The following B3GALT1 variants were observed in gnomAD, a reference collection of about 807,000 sequenced individuals.
B3GALT1 encodes the protein beta-1,3-galactosyltransferase 1.
In B3GALT1, 10 loss-of-function variants were observed where a neutral mutation model predicts 23.2. The observed-to-expected ratio is 0.43, with a 90% CI of 0.27 to 0.73. The LOEUF is 0.73. Ranked by LOEUF, B3GALT1 falls within the 30% of genes least tolerant of loss-of-function variation. The pLI is 0.21. For synonymous variants in B3GALT1, 156 were observed against 141.5 expected, an observed-to-expected ratio of 1.10 and a Z score of -0.73; for missense variants, 299 against 405.4, an observed-to-expected ratio of 0.74 and a Z score of 2.25.
At chr2:167,392,024 A>G (rs1252976009) in intron 1 of B3GALT1, among the ~76,000 whole-genome samples, 1 of 152,108 alleles carries the variant, frequency 6.6e-6, no homozygotes, top group Non-Finnish European at 1.5e-5. Flanking sequence ...TGGTCTCTGT[A>G]GAACTCTGAA....
chr2:167,856,046 A>T (rs2105423794), intron 4 of B3GALT1, among the ~76,000 whole-genome samples: 1 of 152,304 alleles, frequency 6.6e-6, no homozygotes, highest in South Asian at 2.1e-4. Flanking sequence ...ACAACATTTT[A>T]ACAATTTCAG....
intron 3 of B3GALT1, among the ~76,000 whole-genome samples, chr2:167,673,701 A>G (rs1373077072): frequency 1.3e-5 from 2 of 152,120 alleles, no homozygotes; most frequent in African/African-American, 4.8e-5. Context: ...GATAGTATTA[A>G]TATACCAAAT....
rs145909952 is a variant in B3GALT1, at chr2:167,585,868, G to T, written c.-409-61041G>T. Among the ~76,000 whole-genome samples the T allele has an allele frequency of 1.8e-3, 274 of 152,226 alleles. 1 individual carries two copies. In the East Asian group the frequency reaches 0.032, roughly 18 times the overall value. On this transcript the variant is annotated intron_variant, in intron 2 of 4. Transcript: ENST00000392690. ...AATATACAAAAATAAAAATAACATA[G>T]ATGCTTGTCTTAAACATACTATTAT...
rs34276280 is a variant in B3GALT1 at position 167,863,990 on chromosome 2, A to ATGTGTGTGTG, written c.-229-4793_-229-4784dup. Among the ~76,000 whole-genome samples the ATGTGTGTGTG allele has an allele frequency of 4.2e-4, 61 of 143,714 alleles. 1 individual carries two copies. Among genetic ancestry groups the ATGTGTGTGTG allele is most frequent in the Middle Eastern group, 3.4e-3 (1 of 292 alleles). The allele number at this position is 143,714 out of a possible 152,430, so 94.3% of individuals were successfully genotyped here. On this transcript the variant is annotated intron_variant, in intron 4 of 4. Coordinates refer to ENST00000392690, the MANE Select transcript of B3GALT1 (RefSeq NM_020981.4). ...TGATTCTGTGTGCATGCATGTATGT[A>ATGTGTGTGTG]TGTGTGTGTGTGTGTGTGTGTGTGT...
chr2:167,313,917 T>C (rs1370954652), intron 1 of B3GALT1, among the ~76,000 whole-genome samples: 1 of 152,180 alleles, frequency 6.6e-6, no homozygotes, highest in Non-Finnish European at 1.5e-5. Context: ...TTAAATCCTG[T>C]ATTATGTTAA....
intron 1 of B3GALT1, among the ~76,000 whole-genome samples, chr2:167,460,251 T>C (rs1699238777): frequency 6.6e-6 from 1 of 152,220 alleles, no homozygotes; most frequent in Non-Finnish European, 1.5e-5. Context: ...ACTGTTTTGC[T>C]TGATGGTGTC....
intron 1 of B3GALT1, among the ~76,000 whole-genome samples, chr2:167,413,916 G>C (rs1698429773): frequency 6.6e-6 from 1 of 151,782 alleles, no homozygotes; most frequent in Admixed American, 6.6e-5. Context: ...CACATGTTAT[G>C]GTAGTTACCA....
chr2:167,464,123 G>A (rs978763773), intron 1 of B3GALT1, among the ~76,000 whole-genome samples: 3 of 151,478 alleles, frequency 2.0e-5, no homozygotes, highest in African/African-American at 7.3e-5. Flanking sequence ...TGATTTATAT[G>A]AGGAGTTCAT....
intron 4 of B3GALT1, among the ~76,000 whole-genome samples, chr2:167,859,003 T>TA (rs1357286692): frequency 6.6e-6 from 1 of 152,078 alleles, no homozygotes; most frequent in Non-Finnish European, 1.5e-5. Flanking sequence ...TCCCCCAAAA[T>TA]AATGGGCCGA....
At chr2:167,435,993 A>ACG (rs368339724) in intron 1 of B3GALT1, among the ~76,000 whole-genome samples, 31 of 122,808 alleles carry the variant, frequency 2.5e-4, no homozygotes, top group African/African-American at 1.0e-3. Flanking sequence ...GCACACACAC[A>ACG]CACGCACTAG....
intron 3 of B3GALT1, among the ~76,000 whole-genome samples, chr2:167,792,200 A>G (rs907982053): frequency 2.6e-5 from 4 of 152,348 alleles, no homozygotes; most frequent in South Asian, 2.1e-4. Context: ...CATTTCTCAC[A>G]TTGAAACTTA....
At chr2:167,431,133 G>T (rs2105307352) in intron 1 of B3GALT1, among the ~76,000 whole-genome samples, 1 of 152,306 alleles carries the variant, frequency 6.6e-6, no homozygotes, top group Admixed American at 6.5e-5. Flanking sequence ...TATCCACAAT[G>T]AAAATGAAAG....
At chr2:167,566,577 A>G (rs974681310) in intron 2 of B3GALT1, among the ~76,000 whole-genome samples, 1 of 152,016 alleles carries the variant, frequency 6.6e-6, no homozygotes, top group Non-Finnish European at 1.5e-5. Context: ...ATAAAAAAGA[A>G]TAACGTAGTC....
intron 4 of B3GALT1, among the ~76,000 whole-genome samples, chr2:167,844,733 C>T (rs1489767951): frequency 1.3e-5 from 2 of 152,122 alleles, no homozygotes; most frequent in Non-Finnish European, 2.9e-5. Context: ...TTGAATGGGG[C>T]GAGAAGCCTC....
At chr2:167,605,607 A>G (rs1317411872) in intron 2 of B3GALT1, among the ~76,000 whole-genome samples, 1 of 152,204 alleles carries the variant, frequency 6.6e-6, no homozygotes, top group African/African-American at 2.4e-5. Flanking sequence ...AGCTGAAGAT[A>G]TGTTAAGGCC....
chr2:167,456,076 G>A (rs984954799), intron 1 of B3GALT1, among the ~76,000 whole-genome samples: 5 of 152,114 alleles, frequency 3.3e-5, no homozygotes, highest in Non-Finnish European at 5.9e-5. Flanking sequence ...GTGAGACTGG[G>A]TAATTTATAA....
At chr2:167,330,723 A>G (rs998119650) in intron 1 of B3GALT1, among the ~76,000 whole-genome samples, 2 of 152,092 alleles carry the variant, frequency 1.3e-5, no homozygotes, top group Admixed American at 1.3e-4. Context: ...TAAATTTCTC[A>G]TTCATATTCT....
chr2:167,652,058 A>G (rs1400571591), intron 3 of B3GALT1, among the ~76,000 whole-genome samples: 2 of 152,156 alleles, frequency 1.3e-5, no homozygotes, highest in African/African-American at 4.8e-5. Context: ...GAGCCACCCC[A>G]GGGGTTAACA....
chr2:167,542,157 T>C (rs995280046), intron 2 of B3GALT1, among the ~76,000 whole-genome samples: 12 of 152,134 alleles, frequency 7.9e-5, no homozygotes, highest in East Asian at 1.9e-4. Context: ...GTTTCACTTA[T>C]CTTGTATAAA....
Sources: gnomAD v4.1 joint callset for allele counts (sites outside exome capture counted in the v4.1 genomes callset) on GRCh38, gnomAD v4.1.1 for gene constraint, MANE v1.5 for transcripts, NCBI Gene and HGNC (gene_info 2026-07-23, HGNC 2026-07-21) for gene names.